TFB1M: variants seen among roughly 807,000 people sequenced by gnomAD.
TFB1M encodes the protein transcription factor B1, mitochondrial, also known as dimethyladenosine transferase 1, mitochondrial.
A neutral mutation model predicts 31.1 loss-of-function variants in TFB1M; 27 were observed. The ratio of observed to expected loss-of-function variants is 0.87; its 90% CI spans 0.64 to 1.20. The LOEUF is 1.20. Ranked by LOEUF, TFB1M falls within the 50% of genes most tolerant of loss-of-function variation. The probability of loss-of-function intolerance (pLI) is 0.00; values close to 1 mark genes in which losing one functional copy is unlikely to be tolerated. For synonymous variants in TFB1M, 166 were observed against 151.8 expected (o/e 1.09, Z -0.69); for missense variants, 394 against 418.7 (o/e 0.94, Z 0.51).
chr6:155,250,697 A>G, the TFB1M span: 5 of 1,371,934 alleles, frequency 3.6e-6, no homozygotes, highest in Non-Finnish European at 2.0e-6. Flanking sequence ...ACTGGAGCAA[A>G]ATGCCTTCAC....
In TFB1M at chr6:155,286,487, GTATATATA is replaced by G. The variant is rs1264398954; in HGVS notation, c.547-1218_547-1211del. ...GGACAAAATATATATATATGTGTGT[GTATATATA>G]TGTGTGTATATATATGTGTGTATAT... On this transcript the variant is annotated intron_variant, in intron 4 of 6. Coordinates refer to ENST00000367166, the MANE Select transcript of TFB1M (RefSeq NM_016020.4). Among the ~76,000 whole-genome samples the G allele has an allele frequency of 2.1e-3, 29 of 13,820 alleles. No homozygotes were observed. In the East Asian group the frequency reaches 0.34, roughly 161 times the overall value. 9.1% of individuals were successfully genotyped at this position (13,820 alleles called of 152,430 possible). A position where few individuals can be genotyped will look rare whatever the true frequency, so the allele number is the denominator to read the frequency against.
chr6:155,243,994 C>T, the TFB1M span: 40 of 1,609,702 alleles, frequency 2.5e-5, no homozygotes, highest in Non-Finnish European at 3.3e-5. Flanking sequence ...AAGACACTTT[C>T]TTCTATTTTC....
At chr6:155,290,355 C>T (rs934517353) in intron 4 of TFB1M, among the ~76,000 whole-genome samples, 1 of 138,276 alleles carries the variant, frequency 7.2e-6, no homozygotes, top group African/African-American at 2.8e-5. Flanking sequence ...CACTGCACTC[C>T]AGCCTGGGTG....
At chr6:155,270,691 G>A (rs946062842) in intron 5 of TFB1M, among the ~76,000 whole-genome samples, 4 of 152,184 alleles carry the variant, frequency 2.6e-5, no homozygotes, top group African/African-American at 9.6e-5. Flanking sequence ...GGTTAGAGTG[G>A]GGAGCAGCCG....
intron 5 of TFB1M, among the ~76,000 whole-genome samples, chr6:155,262,237 C>A (rs1349293855): frequency 6.6e-6 from 1 of 152,098 alleles, no homozygotes; most frequent in African/African-American, 2.4e-5. Flanking sequence ...AAAAAGAAGA[C>A]CTGATCTATG....
intron 5 of TFB1M, chr6:155,260,753 T>G: frequency 2.9e-6 from 1 of 345,296 alleles, no homozygotes; most frequent in South Asian, 2.4e-5. Flanking sequence ...AGTTTTTGAA[T>G]GAGGAAAAAA....
At chr6:155,244,294 C>T in the TFB1M span, among the ~76,000 whole-genome samples, 7 of 152,278 alleles carry the variant, frequency 4.6e-5, no homozygotes, top group African/African-American at 1.7e-4. Context: ...GGCAGAGGGA[C>T]GGTTATGGTC....
At position 155,257,966 on chromosome 6, in the gene TFB1M, C is replaced by T; in HGVS notation, c.911G>A (p.Cys304Tyr). ...QLSISHFKSL[C>Y]DVYRKMCDED... The stretch of plus-strand genomic sequence containing the variant: ...ATCACACATTTTTCTGTATACATCA[C>T]AGAGGCTCTTAAAGTGTGAGATGGA... Residue 304 changes from cysteine (C) to tyrosine (Y), a missense_variant, in exon 7 of 7, where the codon TGT becomes TAT. Cys to Tyr is a radical substitution (Grantham distance 194). Transcript: ENST00000367166. The T allele has an allele frequency of 6.2e-7, 1 of 1,614,186 alleles. No individual in the cohort carries two copies. The highest frequency in any genetic ancestry group is 8.5e-7 in the Non-Finnish European group (1 of 1,180,040).
intron 4 of TFB1M, among the ~76,000 whole-genome samples, chr6:155,295,283 G>A (rs13199915): frequency 0.14 from 20,653 of 151,756 alleles, 1,596 homozygotes; most frequent in Non-Finnish European, 0.19. Flanking sequence ...GGAGAATGGC[G>A]TGAACCCGGG....
chr6:155,269,553 C>T (rs1287800575), intron 5 of TFB1M, among the ~76,000 whole-genome samples: 1 of 151,964 alleles, frequency 6.6e-6, no homozygotes, highest in East Asian at 1.9e-4. Context: ...AATTCCTGAC[C>T]TCAGGCGATC....
chr6:155,250,765 G>A, the TFB1M span: 19 of 1,120,440 alleles, frequency 1.7e-5, no homozygotes, highest in East Asian at 1.8e-4. Context: ...AAGCTCCACC[G>A]TTTAAGGCCC....
chr6:155,243,946 A>AC, the TFB1M span: 1 of 1,400,080 alleles, frequency 7.1e-7, no homozygotes, highest in Non-Finnish European at 1.0e-6. Flanking sequence ...GGTTGCTGCT[A>AC]CCCAAATCTC....
chr6:155,250,449 T>G, the TFB1M span: 4 of 1,042,140 alleles, frequency 3.8e-6, no homozygotes, highest in Non-Finnish European at 5.5e-6. Flanking sequence ...GGAAGTAGCA[T>G]AGTTTAGGGA....
intron 4 of TFB1M, among the ~76,000 whole-genome samples, chr6:155,285,527 C>A (rs1438604119): frequency 6.6e-6 from 1 of 152,152 alleles, no homozygotes; most frequent in African/African-American, 2.4e-5. Context: ...ATTTGCTCTA[C>A]CAATGGCTGT....
chr6:155,250,103 T>G, the TFB1M span: 1 of 620,990 alleles, frequency 1.6e-6, no homozygotes. Flanking sequence ...TAACAATGTG[T>G]CTAATGAACT....
At chr6:155,276,528 T>C (rs1785230990) in intron 5 of TFB1M, 2 of 675,564 alleles carry the variant, frequency 3.0e-6, no homozygotes, top group Non-Finnish European at 5.0e-6. Context: ...AAAATGCCAA[T>C]AAAACTATCA....
At chr6:155,252,448 G>A (rs6938650), downstream of TFB1M, among the ~76,000 whole-genome samples, 1,123 of 152,280 alleles carry the variant, frequency 7.4e-3, 13 homozygotes, top group African/African-American at 0.026. Flanking sequence ...CAGCCTGTGC[G>A]ACAGAGTGAG....
the TFB1M span, among the ~76,000 whole-genome samples, chr6:155,238,828 T>A: frequency 2.1e-4 from 32 of 152,370 alleles, no homozygotes; most frequent in South Asian, 1.9e-3. Context: ...GTGTAGGAAC[T>A]GTTTCTACTT....
intron 2 of TFB1M, chr6:155,303,221 T>C (rs888038894): frequency 6.6e-6 from 1 of 152,212 alleles, no homozygotes; most frequent in Admixed American, 6.5e-5. Flanking sequence ...TGTATAGGGA[T>C]GCTATATGGC....
Sources: gnomAD v4.1 joint callset for allele counts (sites outside exome capture counted in the v4.1 genomes callset) on GRCh38, gnomAD v4.1.1 for gene constraint, MANE v1.5 for transcripts, NCBI Gene and HGNC (gene_info 2026-07-23, HGNC 2026-07-21) for gene names.